TENM2: variants seen among roughly 807,000 people sequenced by gnomAD.
TENM2 encodes the protein teneurin transmembrane protein 2, also known as teneurin-2.
Under a neutral mutation model 245.2 loss-of-function variants are expected in TENM2, and 52 were observed. That is an observed-to-expected ratio of 0.21 (90% confidence interval 0.17 to 0.27). TENM2 has a LOEUF of 0.27. Ranked by LOEUF, TENM2 falls within the 10% of genes least tolerant of loss-of-function variation. TENM2 has a pLI of 1.00. For missense variants in TENM2, 3,046 were observed against 3,666.8 expected (o/e 0.83, Z 4.37); for synonymous variants, 1,363 against 1,438.9 (o/e 0.95, Z 1.19).
At chr5:167,002,658 C>A in the TENM2 span, among the ~76,000 whole-genome samples, 181 of 148,104 alleles carry the variant, frequency 1.2e-3, 2 homozygotes, top group African/African-American at 4.2e-3. Context: ...ACAAAAAAAC[C>A]AAAAAAACAA....
At chr5:167,039,628 G>A in the TENM2 span, among the ~76,000 whole-genome samples, 1 of 151,658 alleles carries the variant, frequency 6.6e-6, no homozygotes, top group East Asian at 1.9e-4. Flanking sequence ...AAAAAATGTT[G>A]CAGTGACATC....
At chr5:167,098,104 C>A in the TENM2 span, among the ~76,000 whole-genome samples, 28 of 152,246 alleles carry the variant, frequency 1.8e-4, no homozygotes, top group Middle Eastern at 3.4e-3. Context: ...TATGTGGTCA[C>A]CATTTGGGAA....
intron 2 of TENM2, among the ~76,000 whole-genome samples, chr5:167,491,804 A>G (rs990905451): frequency 2.6e-5 from 4 of 152,140 alleles, no homozygotes; most frequent in Non-Finnish European, 5.9e-5. Context: ...TTGCCCACCC[A>G]CATACAACCA....
chr5:167,680,577 T>C (rs1756638784), intron 2 of TENM2, among the ~76,000 whole-genome samples: 1 of 152,068 alleles, frequency 6.6e-6, no homozygotes, highest in African/African-American at 2.4e-5. Context: ...GAAAGCTTAG[T>C]TTGGCCAAGG....
intron 2 of TENM2, among the ~76,000 whole-genome samples, chr5:167,423,255 A>G (rs1763616516): frequency 6.6e-6 from 1 of 152,212 alleles, no homozygotes; most frequent in Non-Finnish European, 1.5e-5. Flanking sequence ...CAGCAAAGTT[A>G]GCTGCCTGAA....
Position 168,228,788 on chromosome 5 carries a change from C to T in TENM2, c.5520+658C>T, listed in dbSNP as rs552448982. 6.4e-5 allele frequency among the ~76,000 whole-genome samples: 9 copies of T among 139,940 alleles called. No homozygotes were observed. The East Asian group carries it at 1.1e-3, about 17-fold the overall frequency. The allele number at this position is 139,940 out of a possible 152,430, so 91.8% of individuals were successfully genotyped here. A position where few individuals can be genotyped will look rare whatever the true frequency, so the allele number is the denominator to read the frequency against. ...TCAGTGGGGAGTTTTAGCCAACCCT[C>T]GTTTTCCCAGACCAGGCAACTTGCC... On this transcript the variant is annotated intron_variant, in intron 25 of 28. Coordinates refer to ENST00000518659, the Ensembl canonical transcript of TENM2.
chr5:167,537,391 TCTCATC>T (rs1361487138), intron 2 of TENM2, among the ~76,000 whole-genome samples: 1 of 152,146 alleles, frequency 6.6e-6, no homozygotes, highest in Non-Finnish European at 1.5e-5. Context: ...GTGACAATAA[TCTCATC>T]CTCATCATGT....
intron 2 of TENM2, among the ~76,000 whole-genome samples, chr5:167,533,529 C>T (rs911510661): frequency 1.3e-5 from 2 of 152,164 alleles, no homozygotes; most frequent in African/African-American, 4.8e-5. Context: ...CATGGCTCAC[C>T]GTAGCCTTGA....
At chr5:167,657,356 A>T (rs931169107) in intron 2 of TENM2, among the ~76,000 whole-genome samples, 3 of 152,132 alleles carry the variant, frequency 2.0e-5, no homozygotes, top group Admixed American at 1.3e-4. Context: ...GTGTGTATGC[A>T]CCACATTTTC....
In TENM2 at chr5:167,718,785, C is replaced by G. The variant is rs531733772; in HGVS notation, c.503-157201C>G. Among the ~76,000 whole-genome samples the G allele has an allele frequency of 1.5e-4, 23 of 149,446 alleles. No homozygotes were observed. The South Asian group carries it at 4.9e-3, about 32-fold the overall frequency. On this transcript the variant is annotated intron_variant, in intron 2 of 28. Transcript: ENST00000518659. ...TAGTTTGGGTTGGATTTTTTTTTTTCTTTTCTTAAGAATTTACCGGTTCGG... is the reference window on the plus strand; with the variant it reads ...TAGTTTGGGTTGGATTTTTTTTTTTGTTTTCTTAAGAATTTACCGGTTCGG...
intron 4 of TENM2, among the ~76,000 whole-genome samples, chr5:167,969,985 G>A (rs757506046): frequency 1.3e-5 from 2 of 152,178 alleles, no homozygotes; most frequent in African/African-American, 2.4e-5. Flanking sequence ...CTGAAATGGA[G>A]GGCTGGCAGG....
chr5:167,676,258 A>AT (rs35884908), intron 2 of TENM2, among the ~76,000 whole-genome samples: 20,229 of 151,740 alleles, frequency 0.13, 1,806 homozygotes, highest in East Asian at 0.43. Context: ...CTTTACACAG[A>AT]TTTTTTTTGC....
At chr5:167,513,947 A>G (rs1770141140) in intron 2 of TENM2, among the ~76,000 whole-genome samples, 1 of 152,156 alleles carries the variant, frequency 6.6e-6, no homozygotes, top group Non-Finnish European at 1.5e-5. Context: ...ATGATAAGGC[A>G]TCTATGTAGG....
At chr5:168,261,817 G>T (rs995721582) in intron 28 of TENM2, among the ~76,000 whole-genome samples, 1 of 152,118 alleles carries the variant, frequency 6.6e-6, no homozygotes, top group African/African-American at 2.4e-5. Context: ...ATTGCAAGAT[G>T]GACAGACCAC....
the TENM2 span, among the ~76,000 whole-genome samples, chr5:167,018,910 G>A: frequency 6.6e-6 from 1 of 152,290 alleles, no homozygotes; most frequent in African/African-American, 2.4e-5. Flanking sequence ...GGCTGACTCT[G>A]AGGCTTGTTA....
intron 2 of TENM2, among the ~76,000 whole-genome samples, chr5:167,376,198 GT>G (rs1456501094): frequency 1.1e-4 from 16 of 152,128 alleles, no homozygotes; most frequent in Non-Finnish European, 2.4e-4. Context: ...AAGAGATAAG[GT>G]GCTTTTTTGT....
At chr5:167,905,584 G>A (rs569189593) in intron 3 of TENM2, among the ~76,000 whole-genome samples, 2 of 152,170 alleles carry the variant, frequency 1.3e-5, no homozygotes, top group Non-Finnish European at 2.9e-5. Context: ...AGCACTCAAG[G>A]CACTAATATA....
chr5:168,015,255 T>C (rs916904559), intron 5 of TENM2, among the ~76,000 whole-genome samples: 2 of 152,154 alleles, frequency 1.3e-5, no homozygotes, highest in African/African-American at 4.8e-5. Context: ...AAAAAGCAAA[T>C]CATGCTTTAT....
At chr5:167,855,924 A>C in intron 2 of TENM2, among the ~76,000 whole-genome samples, 1 of 144,268 alleles carries the variant, frequency 6.9e-6, no homozygotes. Context: ...GGAGGGAGGA[A>C]GGAAGGGAGG....
Sources: gnomAD v4.1 joint callset for allele counts (sites outside exome capture counted in the v4.1 genomes callset) on GRCh38, gnomAD v4.1.1 for gene constraint, MANE v1.5 for transcripts, NCBI Gene and HGNC (gene_info 2026-07-23, HGNC 2026-07-21) for gene names.